Variants in ZMAT4 observed in about 807,000 individuals in gnomAD.
The protein encoded by ZMAT4 is zinc finger matrin-type protein 4.
A neutral mutation model predicts 28.7 loss-of-function variants in ZMAT4; 17 were observed. That is an observed-to-expected ratio of 0.59 (90% CI 0.41 to 0.89). The LOEUF is 0.89. Ranked by LOEUF, ZMAT4 falls within the 40% of genes least tolerant of loss-of-function variation. The pLI is 0.00. For missense variants in ZMAT4, 240 were observed against 283.8 expected, an observed-to-expected ratio of 0.85 and a Z score of 1.11; for synonymous variants, 117 against 109.2, an observed-to-expected ratio of 1.07 and a Z score of -0.44.
chr8:40,543,047 A>G (rs2118387622), intron 6 of ZMAT4, among the ~76,000 whole-genome samples: 1 of 152,220 alleles, frequency 6.6e-6, no homozygotes, highest in Non-Finnish European at 1.5e-5. Flanking sequence ...AATGAACACA[A>G]ATTCCAAAAT....
intron 3 of ZMAT4, among the ~76,000 whole-genome samples, chr8:40,716,075 G>A (rs939569043): frequency 1.3e-5 from 2 of 152,210 alleles, no homozygotes; most frequent in African/African-American, 4.8e-5. Context: ...CAGCACAGAG[G>A]AAAAGAAAAG....
chr8:40,709,562 C>T (rs1397210421), intron 3 of ZMAT4, among the ~76,000 whole-genome samples: 3 of 152,174 alleles, frequency 2.0e-5, no homozygotes, highest in Admixed American at 1.3e-4. Context: ...TTTAGACTTG[C>T]AAAATAATGT....
At chr8:40,847,756 T>C (rs1203347764) in intron 1 of ZMAT4, among the ~76,000 whole-genome samples, 1 of 152,154 alleles carries the variant, frequency 6.6e-6, no homozygotes, top group African/African-American at 2.4e-5. Context: ...AGGTGACTTC[T>C]GTCCCAGGAG....
intron 3 of ZMAT4, among the ~76,000 whole-genome samples, chr8:40,735,319 T>A (rs1811716318): frequency 1.3e-5 from 2 of 152,212 alleles, no homozygotes; most frequent in African/African-American, 4.8e-5. Flanking sequence ...ATGACTTTAG[T>A]CACATAGGAA....
chr8:40,648,400 G>C (rs546906406), intron 5 of ZMAT4, among the ~76,000 whole-genome samples: 11 of 149,780 alleles, frequency 7.3e-5, no homozygotes, highest in Non-Finnish European at 1.3e-4. Flanking sequence ...AATGAGCAAA[G>C]CCTCCAAGAA....
At chr8:40,876,473 T>C (rs1407625331) in intron 1 of ZMAT4, among the ~76,000 whole-genome samples, 2 of 151,988 alleles carry the variant, frequency 1.3e-5, no homozygotes, top group African/African-American at 4.8e-5. Flanking sequence ...CCACCATGCC[T>C]GGATACTTTT....
At chr8:40,859,365 ATCC>A (rs1237401731) in intron 1 of ZMAT4, among the ~76,000 whole-genome samples, 2 of 151,810 alleles carry the variant, frequency 1.3e-5, no homozygotes, top group Admixed American at 1.3e-4. Context: ...CCCTTTTTCC[ATCC>A]TCCTCCCCTG....
intron 2 of ZMAT4, among the ~76,000 whole-genome samples, chr8:40,793,427 T>G (rs945985504): frequency 6.6e-6 from 1 of 151,764 alleles, no homozygotes; most frequent in Non-Finnish European, 1.5e-5. Flanking sequence ...GGAAGACAAG[T>G]TCCAGAGCCA....
intron 3 of ZMAT4, among the ~76,000 whole-genome samples, chr8:40,710,416 G>C (rs1314766326): frequency 6.6e-6 from 1 of 152,180 alleles, no homozygotes; most frequent in Non-Finnish European, 1.5e-5. Flanking sequence ...ATACAGGCGA[G>C]TATCAAACCC....
At chr8:40,706,687 C>T (rs571250059) in intron 3 of ZMAT4, among the ~76,000 whole-genome samples, 4 of 152,256 alleles carry the variant, frequency 2.6e-5, no homozygotes, top group Admixed American at 6.5e-5. Flanking sequence ...TTTTCCTCCA[C>T]GGGTGCTTTT....
intron 5 of ZMAT4, among the ~76,000 whole-genome samples, chr8:40,597,051 A>T (rs1805130376): frequency 6.6e-6 from 1 of 152,212 alleles, no homozygotes. Context: ...AGGATTTAAG[A>T]TTATAATCTA....
At chr8:40,881,544 A>AAGAAAGAAAG (rs1554498022) in intron 1 of ZMAT4, among the ~76,000 whole-genome samples, 1 of 68,178 alleles carries the variant, frequency 1.5e-5, no homozygotes, top group Non-Finnish European at 3.0e-5. Flanking sequence ...GAAAGAAAGA[A>AAGAAAGAAAG]AGAAAGAAAG....
intron 4 of ZMAT4, among the ~76,000 whole-genome samples, chr8:40,696,155 A>G (rs928789205): frequency 4.6e-5 from 7 of 152,120 alleles, no homozygotes; most frequent in African/African-American, 1.4e-4. Flanking sequence ...GTGTTTTGCA[A>G]CCTCATCCTA....
At chr8:40,716,361 G>T (rs1272913507) in intron 3 of ZMAT4, among the ~76,000 whole-genome samples, 1 of 152,126 alleles carries the variant, frequency 6.6e-6, no homozygotes, top group Non-Finnish European at 1.5e-5. Context: ...CACTACAGGA[G>T]GTGTTTCCTT....
intron 2 of ZMAT4, among the ~76,000 whole-genome samples, chr8:40,796,846 G>C (rs1814620418): frequency 6.6e-6 from 1 of 152,122 alleles, no homozygotes; most frequent in African/African-American, 2.4e-5. Context: ...AGAAGTCCCA[G>C]AACAGAAAGC....
chr8:40,750,401 G>A (rs1475022598), intron 3 of ZMAT4, among the ~76,000 whole-genome samples: 1 of 152,148 alleles, frequency 6.6e-6, no homozygotes, highest in African/African-American at 2.4e-5. Context: ...CGTGATTTAT[G>A]AGAGCCATAT....
chr8:40,856,690 T>C (rs1219986838), intron 1 of ZMAT4, among the ~76,000 whole-genome samples: 1 of 152,062 alleles, frequency 6.6e-6, no homozygotes, highest in Non-Finnish European at 1.5e-5. Flanking sequence ...CCAGGTGACA[T>C]TGGGAGATGG....
intron 1 of ZMAT4, among the ~76,000 whole-genome samples, chr8:40,895,410 C>T (rs1472556161): frequency 2.0e-5 from 3 of 152,226 alleles, no homozygotes; most frequent in Non-Finnish European, 4.4e-5. Flanking sequence ...GGGTTTCACA[C>T]CTCACCCCAT....
intron 1 of ZMAT4, among the ~76,000 whole-genome samples, chr8:40,862,730 C>A (rs1817546791): frequency 6.6e-6 from 1 of 151,352 alleles, no homozygotes; most frequent in South Asian, 2.1e-4. Flanking sequence ...GACAAAAAAC[C>A]AAACACCGCA....
Sources: gnomAD v4.1 joint callset for allele counts (sites outside exome capture counted in the v4.1 genomes callset) on GRCh38, gnomAD v4.1.1 for gene constraint, MANE v1.5 for transcripts, NCBI Gene and HGNC (gene_info 2026-07-23, HGNC 2026-07-21) for gene names.